Variants in PAPSS2 observed in about 807,000 individuals in gnomAD.
PAPSS2 encodes 3'-phosphoadenosine 5'-phosphosulfate synthase 2.
In PAPSS2, 61 loss-of-function variants were observed where a neutral mutation model predicts 66.5. That is an observed-to-expected ratio of 0.92 (90% confidence interval 0.75 to 1.14). The LOEUF (loss-of-function observed/expected upper bound fraction) is 1.14, where lower values mean the gene tolerates loss of function less well. PAPSS2 is among the 50% of genes most tolerant of loss of function. The pLI is 0.00. For missense variants in PAPSS2, 708 were observed against 789.6 expected (o/e 0.90, Z 1.24); for synonymous variants, 289 against 287.5 (o/e 1.01, Z -0.05).
chr10:87,683,718 T>A (rs1853054201), intron 1 of PAPSS2, among the ~76,000 whole-genome samples: 1 of 152,018 alleles, frequency 6.6e-6, no homozygotes, highest in Non-Finnish European at 1.5e-5. Context: ...GAAACAAGGT[T>A]TCACTCTGTC....
At chr10:87,683,308 G>T (rs1012778780) in intron 1 of PAPSS2, among the ~76,000 whole-genome samples, 38 of 152,132 alleles carry the variant, frequency 2.5e-4, no homozygotes, top group African/African-American at 8.7e-4. Context: ...CGCCAGGCTG[G>T]TCTTGAACTC....
intron 1 of PAPSS2, among the ~76,000 whole-genome samples, chr10:87,686,231 A>T (rs1334418616): frequency 6.6e-6 from 1 of 151,612 alleles, no homozygotes; most frequent in Non-Finnish European, 1.5e-5. Context: ...CATTTTACAA[A>T]AGTTAAGTGT....
intron 6 of PAPSS2, among the ~76,000 whole-genome samples, chr10:87,715,377 T>C (rs1189347819): frequency 6.6e-6 from 1 of 152,214 alleles, no homozygotes; most frequent in Non-Finnish European, 1.5e-5. Flanking sequence ...ATTGTACCAG[T>C]AAGTACATCT....
chr10:87,713,507 C>T (rs1232244867), intron 3 of PAPSS2, among the ~76,000 whole-genome samples, 197 bp downstream of exon 3: 5 of 152,028 alleles, frequency 3.3e-5, no homozygotes, highest in African/African-American at 1.2e-4. Flanking sequence ...GGAGTTCCTT[C>T]CTTTCCAGAT....
intron 1 of PAPSS2, among the ~76,000 whole-genome samples, chr10:87,706,843 A>T (rs534116773): frequency 3.9e-5 from 6 of 152,194 alleles, no homozygotes; most frequent in Non-Finnish European, 7.3e-5. Context: ...AGACTATCTC[A>T]TGGAGTGGCC....
intron 1 of PAPSS2, among the ~76,000 whole-genome samples, chr10:87,682,974 A>G (rs1853041110): frequency 6.6e-6 from 1 of 152,220 alleles, no homozygotes; most frequent in African/African-American, 2.4e-5. Context: ...GGCAGTGCAC[A>G]GTATTCCAAG....
intron 9 of PAPSS2, among the ~76,000 whole-genome samples, 191 bp downstream of exon 9, chr10:87,727,680 T>A (rs188046962): frequency 6.6e-6 from 1 of 152,226 alleles, no homozygotes; most frequent in Non-Finnish European, 1.5e-5. Context: ...GTCTTTCTGT[T>A]TGAGGTCTGG....
Position 87,715,843 on chromosome 10 carries a change from G to T in PAPSS2, c.865G>T (p.Gly289Cys). Residue 289 changes from glycine to cysteine, a missense_variant and splice_region_variant, in exon 7 of 13, where the codon GGC (glycine) becomes TGC (cysteine). Gly to Cys is a radical substitution (Grantham distance 159). Transcript: ENST00000456849. ...QVMHFDTLLD[G>C]MALPDGVINM... The stretch of plus-strand genomic sequence containing the variant: ...TATGCACTTTGACACCCTGCTAGAT[G>T]GTATGTTTTTGTTGTTGTTTCTTAC... 1 of 1,555,822 alleles carries T rather than the reference G, an allele frequency of 6.4e-7. No individual in the cohort carries two copies. The highest frequency in any genetic ancestry group is 8.9e-7 in the Non-Finnish European group (1 of 1,127,348).
At chr10:87,729,058 A>G (rs961913554) in intron 9 of PAPSS2, among the ~76,000 whole-genome samples, 5 of 152,068 alleles carry the variant, frequency 3.3e-5, no homozygotes, top group African/African-American at 9.7e-5. Flanking sequence ...AGTGACTGAA[A>G]GAATAGCAAC....
intron 1 of PAPSS2, among the ~76,000 whole-genome samples, chr10:87,686,762 T>A (rs1046271114): frequency 6.6e-6 from 1 of 152,170 alleles, no homozygotes; most frequent in Non-Finnish European, 1.5e-5. Flanking sequence ...TCCCTTCTGA[T>A]TAACGTCAGA....
intron 2 of PAPSS2, among the ~76,000 whole-genome samples, chr10:87,712,718 A>G (rs1853477736): frequency 6.6e-6 from 1 of 152,086 alleles, no homozygotes; most frequent in South Asian, 2.1e-4. Context: ...TGGCCTCCCA[A>G]AATGCTGGGA....
At chr10:87,734,689 A>G (rs1285986878) in intron 9 of PAPSS2, among the ~76,000 whole-genome samples, 3 of 124,594 alleles carry the variant, frequency 2.4e-5, no homozygotes, top group Non-Finnish European at 1.7e-5. Context: ...ATATATATAT[A>G]TATATATATA....
chr10:87,703,232 C>T (rs1445556048), intron 1 of PAPSS2, among the ~76,000 whole-genome samples: 2 of 115,572 alleles, frequency 1.7e-5, no homozygotes, highest in Admixed American at 1.8e-4. Flanking sequence ...GGGTACGTCC[C>T]AGCCGGGCTT....
intron 1 of PAPSS2, among the ~76,000 whole-genome samples, chr10:87,663,016 T>A (rs1360402844): frequency 6.7e-6 from 1 of 148,850 alleles, no homozygotes; most frequent in Non-Finnish European, 1.5e-5. Context: ...GTAGCTGGGA[T>A]TACAGGCACC....
Position 87,665,520 on chromosome 10 carries a change from C to T in PAPSS2, c.27+5512C>T, listed in dbSNP as rs534679859. ...GCCACCGTGCCCGGCCTGAATTTACCACTTTTTAAAGACTTAGGTGATGTG... is the reference window on the plus strand; with the variant it reads ...GCCACCGTGCCCGGCCTGAATTTACTACTTTTTAAAGACTTAGGTGATGTG... On this transcript the variant is annotated intron_variant, in intron 1 of 12. Coordinates refer to ENST00000456849, the MANE Select transcript of PAPSS2 (RefSeq NM_001015880.2). 2.0e-5 allele frequency among the ~76,000 whole-genome samples: 3 copies of T among 152,202 alleles called. No homozygotes were observed. In the East Asian group the frequency reaches 5.8e-4, roughly 29 times the overall value.
chr10:87,694,682 G>A (rs2131916453), intron 1 of PAPSS2, among the ~76,000 whole-genome samples: 1 of 152,360 alleles, frequency 6.6e-6, no homozygotes, highest in Middle Eastern at 3.4e-3. Context: ...AGGGCCTTAA[G>A]TTCCAAGCTA....
chr10:87,703,472 C>T (rs1199915109), intron 1 of PAPSS2, among the ~76,000 whole-genome samples: 1 of 152,064 alleles, frequency 6.6e-6, no homozygotes, highest in Non-Finnish European at 1.5e-5. Flanking sequence ...GATTAAATGC[C>T]ACCTGGACTG....
At chr10:87,703,272 ATTGC>A (rs1397185949) in intron 1 of PAPSS2, among the ~76,000 whole-genome samples, 3 of 126,666 alleles carry the variant, frequency 2.4e-5, no homozygotes, top group African/African-American at 1.0e-4. Flanking sequence ...TGACAACAAC[ATTGC>A]GTGTGTGTGT....
At chr10:87,675,119 T>C (rs913588166) in intron 1 of PAPSS2, among the ~76,000 whole-genome samples, 3 of 152,264 alleles carry the variant, frequency 2.0e-5, no homozygotes, top group Non-Finnish European at 4.4e-5. Flanking sequence ...TTTGTCTTTT[T>C]AAAACACTAT....
Sources: gnomAD v4.1 joint callset for allele counts (sites outside exome capture counted in the v4.1 genomes callset) on GRCh38, gnomAD v4.1.1 for gene constraint, MANE v1.5 for transcripts, NCBI Gene and HGNC (gene_info 2026-07-23, HGNC 2026-07-21) for gene names.